The following THSD7A variants were observed in gnomAD, a reference collection of about 807,000 sequenced individuals.
The protein encoded by THSD7A is thrombospondin type-1 domain-containing protein 7A.
Under a neutral mutation model 231.3 loss-of-function variants are expected in THSD7A, and 96 were observed. The ratio of observed to expected loss-of-function variants is 0.41; its 90% CI spans 0.35 to 0.49. The LOEUF is 0.49. Ranked by LOEUF, THSD7A falls within the 20% of genes least tolerant of loss-of-function variation. The probability of loss-of-function intolerance (pLI) is 0.05; values close to 1 mark genes in which losing one functional copy is unlikely to be tolerated. For synonymous variants in THSD7A, 940 were observed against 743.3 expected (o/e 1.26, Z -4.30); for missense variants, 2,290 against 2,070.2 (o/e 1.11, Z -2.06).
chr7:11,379,566 A>AT (rs1782426629), intron 25 of THSD7A, 64 bp downstream of exon 25: 1 of 1,404,414 alleles, frequency 7.1e-7, no homozygotes, highest in Admixed American at 2.0e-5. Flanking sequence ...GATAAACTGC[A>AT]TAAGAGACAG....
At chr7:11,675,705 G>A (rs1231123391) in intron 1 of THSD7A, among the ~76,000 whole-genome samples, 1 of 152,186 alleles carries the variant, frequency 6.6e-6, no homozygotes, top group Non-Finnish European at 1.5e-5. Flanking sequence ...TAGCCAGACT[G>A]CCTCTCTAGA....
intron 5 of THSD7A, 85 bp downstream of exon 5, chr7:11,542,877 G>T: frequency 1.4e-6 from 2 of 1,407,718 alleles, no homozygotes; most frequent in East Asian, 2.4e-5. Context: ...CCACAAACAA[G>T]GAACACAGAA....
chr7:11,408,449 G>T (rs1783662525), intron 19 of THSD7A, among the ~76,000 whole-genome samples: 1 of 150,568 alleles, frequency 6.6e-6, no homozygotes, highest in Non-Finnish European at 1.5e-5. Flanking sequence ...AGTGAGCTGA[G>T]ATGGCACCAC....
chr7:11,521,495 T>A (rs1562681617), intron 6 of THSD7A, among the ~76,000 whole-genome samples: 1 of 139,564 alleles, frequency 7.2e-6, no homozygotes, highest in East Asian at 2.0e-4. Context: ...TTTATTTATT[T>A]ATTTTTTTAT....
intron 6 of THSD7A, among the ~76,000 whole-genome samples, chr7:11,535,283 T>C (rs748456043): frequency 2.9e-4 from 44 of 152,248 alleles, no homozygotes; most frequent in Admixed American, 7.9e-4. Flanking sequence ...TCTAAAAAAG[T>C]ATTTTTTACT....
chr7:11,732,834 T>C (rs1176557260), intron 1 of THSD7A, among the ~76,000 whole-genome samples: 3 of 151,840 alleles, frequency 2.0e-5, no homozygotes, highest in Non-Finnish European at 2.9e-5. Context: ...TTGTAACCTG[T>C]ATTCCTCATA....
At chr7:11,765,465 G>C (rs1013853732) in intron 1 of THSD7A, among the ~76,000 whole-genome samples, 2 of 152,098 alleles carry the variant, frequency 1.3e-5, no homozygotes, top group African/African-American at 4.8e-5. Flanking sequence ...AAATTGTACA[G>C]GTCAAAAGCA....
intron 4 of THSD7A, among the ~76,000 whole-genome samples, chr7:11,580,829 A>C (rs1028804159): frequency 2.6e-5 from 4 of 151,924 alleles, no homozygotes; most frequent in African/African-American, 9.7e-5. Flanking sequence ...TGTACAACAA[A>C]CCCCCATGAC....
chr7:11,413,406 C>T (rs993258863), intron 17 of THSD7A, among the ~76,000 whole-genome samples: 15 of 151,674 alleles, frequency 9.9e-5, no homozygotes, highest in Admixed American at 3.3e-4. Context: ...GGCGTTCTTC[C>T]GTAAGGGTTA....
intron 6 of THSD7A, among the ~76,000 whole-genome samples, chr7:11,500,897 G>A (rs954807911): frequency 2.7e-5 from 4 of 150,070 alleles, no homozygotes; most frequent in African/African-American, 4.9e-5. Context: ...TCGCACCACT[G>A]CACTCCAGCC....
intron 13 of THSD7A, 149 bp downstream of exon 13, chr7:11,445,912 T>C: frequency 4.0e-6 from 4 of 989,116 alleles, no homozygotes; most frequent in East Asian, 2.4e-5. Flanking sequence ...TCCTGTTACA[T>C]ATAAATGATA....
At chr7:11,390,605 C>G (rs1410201413) in intron 23 of THSD7A, among the ~76,000 whole-genome samples, 2 of 151,384 alleles carry the variant, frequency 1.3e-5, no homozygotes, top group East Asian at 3.9e-4. Context: ...ATTCGTCAAA[C>G]TTATTCTCTG....
At chr7:11,589,993 G>A (rs1321000233) in intron 4 of THSD7A, among the ~76,000 whole-genome samples, 1 of 151,902 alleles carries the variant, frequency 6.6e-6, no homozygotes, top group Non-Finnish European at 1.5e-5. Flanking sequence ...TTTCTATTCT[G>A]TACTTATTTA....
chr7:11,706,630 C>CTTTTTTTTTTTTTTTTTT lies in THSD7A; in HGVS notation c.191-69687_191-69670dup, dbSNP rs66964252. 2.6e-3 allele frequency among the ~76,000 whole-genome samples: 172 copies of CTTTTTTTTTTTTTTTTTT among 66,384 alleles called. 11 individuals carry two copies. The highest frequency in any genetic ancestry group is 5.4e-3 in the African/African-American group (87 of 16,100). 43.6% of individuals were successfully genotyped at this position (66,384 alleles called of 152,430 possible). A position where few individuals can be genotyped will look rare whatever the true frequency, so the allele number is the denominator to read the frequency against. ...ATTGACTAAAAATTTTAACAAGGTG[C>CTTTTTTTTTTTTTTTTTT]TTTTTTTTTTTTTTTTTTTTTTTTT... On this transcript the variant is annotated intron_variant, in intron 1 of 27. Transcript: ENST00000423059.
rs1040440448 is a variant in THSD7A, at chr7:11,446,631, C to T, written c.2801-307G>A. Reference sequence around the variant, plus strand: ...CTTCATAGGCTGTGTTATATAGTTTCGACAGTCTTCATTACATAGGTGGTT... The same window carrying T: ...CTTCATAGGCTGTGTTATATAGTTTTGACAGTCTTCATTACATAGGTGGTT... On this transcript the variant is annotated intron_variant, in intron 12 of 27. Coordinates refer to ENST00000423059, the MANE Select transcript of THSD7A (RefSeq NM_015204.3). The surrounding 1 kb of genome is among the most constrained non-coding windows in gnomAD (Gnocchi z 4.0). Among the ~76,000 whole-genome samples the T allele has an allele frequency of 3.3e-5, 5 of 151,942 alleles. No individual in the cohort carries two copies. The East Asian group carries it at 7.7e-4, about 24-fold the overall frequency.
chr7:11,575,496 G>C (rs889263380), intron 4 of THSD7A, among the ~76,000 whole-genome samples: 2 of 152,086 alleles, frequency 1.3e-5, no homozygotes, highest in African/African-American at 4.8e-5. Context: ...ATTTCCATTT[G>C]AGGATGCTTA....
chr7:11,438,382 G>A (rs1250820127), intron 13 of THSD7A, among the ~76,000 whole-genome samples: 1 of 151,844 alleles, frequency 6.6e-6, no homozygotes, highest in Non-Finnish European at 1.5e-5. Context: ...AATAATTAGT[G>A]CTATAGTGCA....
chr7:11,476,588 G>A (rs1786194046), intron 7 of THSD7A, among the ~76,000 whole-genome samples: 1 of 152,040 alleles, frequency 6.6e-6, no homozygotes, highest in Non-Finnish European at 1.5e-5. Flanking sequence ...GGGCCAAGGT[G>A]GGCAGATTGC....
chr7:11,472,803 G>T (rs1785990723), intron 8 of THSD7A, among the ~76,000 whole-genome samples: 2 of 152,214 alleles, frequency 1.3e-5, no homozygotes, highest in African/African-American at 4.8e-5. Flanking sequence ...TTAACCGTGG[G>T]ACAGGAACAG....
Sources: allele counts gnomAD v4.1 joint callset (sites outside exome capture counted in the v4.1 genomes callset), GRCh38; gene constraint gnomAD v4.1.1; non-coding constraint Gnocchi (gnomAD v3.1); transcripts MANE v1.5; gene names NCBI Gene and HGNC (gene_info 2026-07-23, HGNC 2026-07-21).